The following MCCC1 variants were observed in gnomAD, a reference collection of about 807,000 sequenced individuals.
MCCC1 encodes the protein methylcrotonyl-CoA carboxylase subunit 1, also known as methylcrotonoyl-CoA carboxylase subunit alpha, mitochondrial.
Under a neutral mutation model 83.8 loss-of-function variants are expected in MCCC1, and 64 were observed. The observed-to-expected ratio is 0.76, with a 90% CI of 0.62 to 0.94. MCCC1 has a LOEUF of 0.94. Among genes scored for constraint, MCCC1 ranks in the 40% least tolerant of loss-of-function variants. The pLI, the probability that MCCC1 is intolerant of heterozygous loss-of-function variation, is 0.00. For missense variants in MCCC1, 807 were observed against 904.7 expected (o/e 0.89, Z 1.39); for synonymous variants, 322 against 315.4 (o/e 1.02, Z -0.22).
intron 8 of MCCC1, 59 bp downstream of exon 8, chr3:183,057,252 A>T: frequency 7.5e-7 from 1 of 1,330,280 alleles, no homozygotes; most frequent in South Asian, 1.3e-5. Context: ...TCTGATGTGA[A>T]AATCAGAGTA....
intron 17 of MCCC1, among the ~76,000 whole-genome samples, chr3:183,018,052 C>T (rs563465002): frequency 2.0e-5 from 3 of 152,310 alleles, no homozygotes; most frequent in African/African-American, 7.2e-5. Flanking sequence ...CCCAAATGCA[C>T]TGGTCAAATC....
intron 9 of MCCC1, among the ~76,000 whole-genome samples, chr3:183,050,046 G>C (rs1278151251): frequency 1.3e-5 from 2 of 151,902 alleles, no homozygotes; most frequent in African/African-American, 4.8e-5. Flanking sequence ...CTTGAGTCCA[G>C]GAAGTGGAGG....
intron 1 of MCCC1, among the ~76,000 whole-genome samples, chr3:183,110,529 G>T (rs943650035): frequency 2.0e-5 from 3 of 151,750 alleles, no homozygotes; most frequent in Admixed American, 2.0e-4. Context: ...GAGTAGCTGG[G>T]ACTACAGGCG....
rs143736124 is a variant in MCCC1, at chr3:183,069,771, T to C, written c.761+1228A>G. ...CACATATATATATAAAATTTAACAA[T>C]TGTCATAAAAATCTATGAAATGAGA... On this transcript the variant is annotated intron_variant, in intron 7 of 18. Coordinates refer to ENST00000265594, the MANE Select transcript of MCCC1 (RefSeq NM_020166.5). Among the ~76,000 whole-genome samples, 401 of 152,224 alleles carry C rather than the reference T, an allele frequency of 2.6e-3. 12 individuals are homozygous for C. In the South Asian group the frequency reaches 0.045, roughly 17 times the overall value.
In MCCC1 at chr3:183,036,875, G is replaced by A. The variant is rs960279091; in HGVS notation, c.1594+343C>T. On this transcript the variant is annotated intron_variant, in intron 13 of 18. Transcript: ENST00000265594. Reference sequence around the variant, plus strand: ...TTTTTAGTAGAGATGGGGTTTCACCGTGTTAGCCAGGATGGTCTTGATCTC... The same window carrying A: ...TTTTTAGTAGAGATGGGGTTTCACCATGTTAGCCAGGATGGTCTTGATCTC... 7.3e-5 allele frequency among the ~76,000 whole-genome samples: 11 copies of A among 149,914 alleles called. 1 individual carries two copies. Among genetic ancestry groups the A allele is most frequent in the South Asian group, 6.4e-4 (3 of 4,696 alleles).
chr3:183,015,538 G>A lies in MCCC1; in HGVS notation c.2078C>T (p.Thr693Ile), dbSNP rs773616323. ...EHTIKSPKDG[T>I]VKKVFYREGA... ...TTCTCTGTAGAACACTTTCTTTACT[G>A]TGCCATCCTTTGGAGACTTTATGGT... The change falls in exon 19 of 19, where the codon ACA (threonine) becomes ATA (isoleucine). Residue 693 changes from threonine (T) to isoleucine (I), a missense_variant. Thr to Ile is a moderately conservative substitution (Grantham distance 89). Transcript: ENST00000265594. The A allele has an allele frequency of 6.2e-7, 1 of 1,614,076 alleles. No homozygotes were observed. The highest frequency in any genetic ancestry group is 8.5e-7 in the Non-Finnish European group (1 of 1,179,996).
chr3:183,019,641 G>C (rs960350806), intron 17 of MCCC1, among the ~76,000 whole-genome samples: 3 of 152,166 alleles, frequency 2.0e-5, no homozygotes, highest in African/African-American at 7.2e-5. Context: ...TGTTCTAGCA[G>C]CCTGAACTGA....
chr3:183,075,108 C>T (rs936378184), intron 4 of MCCC1, among the ~76,000 whole-genome samples: 1 of 152,208 alleles, frequency 6.6e-6, no homozygotes, highest in African/African-American at 2.4e-5. Flanking sequence ...TTTCTTCATC[C>T]AATCTGTCAC....
At chr3:183,040,051 G>A (rs1236194284) in intron 11 of MCCC1, among the ~76,000 whole-genome samples, 7 of 134,144 alleles carry the variant, frequency 5.2e-5, no homozygotes, top group South Asian at 2.4e-4. Context: ...AGCCAAAATC[G>A]TGCCATTGCA....
At chr3:183,072,150 G>T (rs538681072) in intron 5 of MCCC1, among the ~76,000 whole-genome samples, 1 of 152,088 alleles carries the variant, frequency 6.6e-6, no homozygotes, top group African/African-American at 2.4e-5. Context: ...TTACAGGTGT[G>T]AGCCACTGTG....
At chr3:183,090,809 G>A (rs1718266832) in intron 3 of MCCC1, 1 of 325,982 alleles carries the variant, frequency 3.1e-6, no homozygotes, top group Non-Finnish European at 6.1e-6. Flanking sequence ...GGCTGGTCTC[G>A]AACCCTGACC....
intron 1 of MCCC1, among the ~76,000 whole-genome samples, chr3:183,108,087 C>T (rs1029785559): frequency 1.3e-5 from 2 of 152,100 alleles, no homozygotes; most frequent in African/African-American, 4.8e-5. Context: ...GCTGCATAAG[C>T]TTGTTTGTAT....
intron 14 of MCCC1, among the ~76,000 whole-genome samples, chr3:183,027,108 G>A (rs1712669481): frequency 6.6e-6 from 1 of 152,088 alleles, no homozygotes; most frequent in Admixed American, 6.6e-5. Flanking sequence ...ACAGTCATCT[G>A]CGATCTCTGA....
intron 3 of MCCC1, among the ~76,000 whole-genome samples, chr3:183,092,097 G>A (rs1028737284): frequency 1.3e-5 from 2 of 152,016 alleles, no homozygotes; most frequent in Non-Finnish European, 2.9e-5. Context: ...CTTTCTCCTT[G>A]TATATACGGA....
chr3:183,047,000 C>T lies in MCCC1; in HGVS notation c.956-1460G>A, dbSNP rs183168971. ...GACCCAGTTACAGGAGGACCTCACA[C>T]TTTTGTGAGTTTTACCTCCAGGAGC... is the stretch of plus-strand genomic sequence containing the variant. On this transcript the variant is annotated intron_variant, in intron 9 of 18. Transcript: ENST00000265594. Among the ~76,000 whole-genome samples the T allele has an allele frequency of 7.4e-4, 112 of 152,320 alleles. 1 individual carries two copies. Among genetic ancestry groups the T allele is most frequent in the African/African-American group, 2.6e-3 (109 of 41,562 alleles).
chr3:183,084,354 T>A lies in MCCC1; in HGVS notation c.369+2339A>T, dbSNP rs1385698968. ...ATGAAGGTAATACTACCATGGCATT[T>A]ATGCTTAAATACATGATAAATGCAC... is the stretch of plus-strand genomic sequence containing the variant. On this transcript the variant is annotated intron_variant, in intron 4 of 18. Coordinates refer to ENST00000265594, the MANE Select transcript of MCCC1 (RefSeq NM_020166.5). Among the ~76,000 whole-genome samples the A allele has an allele frequency of 5.6e-4, 85 of 152,348 alleles. No homozygotes were observed. In the East Asian group the frequency reaches 0.014, roughly 26 times the overall value.
chr3:183,088,923 G>A (rs1431202985), intron 3 of MCCC1, among the ~76,000 whole-genome samples: 1 of 152,012 alleles, frequency 6.6e-6, no homozygotes, highest in Non-Finnish European at 1.5e-5. Flanking sequence ...AGGTTATAAC[G>A]GCAAAAAACT....
At chr3:183,016,149 G>C (rs1711602638) in intron 18 of MCCC1, 1 of 159,162 alleles carries the variant, frequency 6.3e-6, no homozygotes. Context: ...GGCTGGTCTT[G>C]AACTCCTGAC....
At position 183,093,189 on chromosome 3, in the gene MCCC1, C is replaced by T. The variant is rs374193186; in HGVS notation, c.137-644G>A. Among the ~76,000 whole-genome samples the T allele has an allele frequency of 9.9e-5, 15 of 152,278 alleles. No individual in the cohort carries two copies. The South Asian group carries it at 2.1e-3, about 21-fold the overall frequency. On this transcript the variant is annotated intron_variant, in intron 2 of 18. Coordinates refer to ENST00000265594, the MANE Select transcript of MCCC1 (RefSeq NM_020166.5). ...GATTACAGGTGTGAGCCACCACACCCGGCCAATACTAACTAATCTTTAATA... is the reference window on the plus strand; with the variant it reads ...GATTACAGGTGTGAGCCACCACACCTGGCCAATACTAACTAATCTTTAATA...
Sources: allele counts gnomAD v4.1 joint callset (sites outside exome capture counted in the v4.1 genomes callset), GRCh38; gene constraint gnomAD v4.1.1; transcripts MANE v1.5; gene names NCBI Gene and HGNC (gene_info 2026-07-23, HGNC 2026-07-21).